Variants in GYS2 observed in about 807,000 individuals in gnomAD.
The protein encoded by GYS2 is glycogen [starch] synthase, liver.
GYS2 carries 80 observed loss-of-function variants against 85.6 expected under a neutral mutation model. The ratio of observed to expected loss-of-function variants is 0.93; its 90% CI spans 0.78 to 1.13. GYS2 has a LOEUF of 1.13. GYS2 is among the 50% of genes most tolerant of loss of function. The pLI, the probability that GYS2 is intolerant of heterozygous loss-of-function variation, is 0.00. For missense variants in GYS2, 881 were observed against 854.9 expected, an observed-to-expected ratio of 1.03 and a Z score of -0.38; for synonymous variants, 328 against 300.7, an observed-to-expected ratio of 1.09 and a Z score of -0.94.
intron 4 of GYS2, among the ~76,000 whole-genome samples, chr12:21,571,336 C>A (rs757645824): frequency 3.7e-4 from 56 of 152,236 alleles, no homozygotes; most frequent in Non-Finnish European, 6.5e-4. Context: ...ATCTTAAAAT[C>A]TCTGTACAAT....
At chr12:21,592,454 C>A (rs1481912602) in intron 1 of GYS2, among the ~76,000 whole-genome samples, 1 of 151,942 alleles carries the variant, frequency 6.6e-6, no homozygotes, top group Non-Finnish European at 1.5e-5. Context: ...GATGAAAGAT[C>A]TTCCATACAA....
intron 2 of GYS2, among the ~76,000 whole-genome samples, chr12:21,576,735 C>T (rs1944451429): frequency 1.3e-5 from 2 of 152,256 alleles, no homozygotes; most frequent in South Asian, 4.1e-4. Flanking sequence ...TTAGCTCTCT[C>T]ATTTTTTTCC....
chr12:21,564,486 T>C (rs1591793433), intron 5 of GYS2, among the ~76,000 whole-genome samples: 1 of 152,162 alleles, frequency 6.6e-6, no homozygotes, highest in East Asian at 1.9e-4. Flanking sequence ...TTGACATGGT[T>C]CCACAAAATC....
intron 2 of GYS2, 91 bp from the exon 3 acceptor site, chr12:21,576,148 G>T: frequency 2.1e-6 from 2 of 965,288 alleles, no homozygotes; most frequent in Non-Finnish European, 3.3e-6. Flanking sequence ...ACTTTATGTA[G>T]TACTCAATAG....
intron 14 of GYS2, among the ~76,000 whole-genome samples, chr12:21,539,970 A>C (rs1943953110): frequency 2.0e-5 from 3 of 152,230 alleles, no homozygotes; most frequent in Non-Finnish European, 4.4e-5. Flanking sequence ...AACCTATTGC[A>C]TGATTGAAAG....
At chr12:21,579,151 A>C (rs1181754397) in intron 2 of GYS2, among the ~76,000 whole-genome samples, 1 of 152,222 alleles carries the variant, frequency 6.6e-6, no homozygotes, top group African/African-American at 2.4e-5. Flanking sequence ...CTTCATACTT[A>C]AAATTCTCTC....
intron 12 of GYS2, among the ~76,000 whole-genome samples, chr12:21,543,426 A>C (rs1048225306): frequency 4.7e-4 from 72 of 152,286 alleles, no homozygotes; most frequent in African/African-American, 1.7e-3. Context: ...GGGGACTATC[A>C]GCCCTTTTGA....
At chr12:21,567,186 G>A (rs939225379) in intron 5 of GYS2, among the ~76,000 whole-genome samples, 1 of 152,152 alleles carries the variant, frequency 6.6e-6, no homozygotes, top group Non-Finnish European at 1.5e-5. Flanking sequence ...AGGGGCTAAT[G>A]AGTAAGTGAA....
chr12:21,545,789 C>T (rs1258780379), intron 12 of GYS2, among the ~76,000 whole-genome samples: 1 of 152,204 alleles, frequency 6.6e-6, no homozygotes, highest in East Asian at 1.9e-4. Flanking sequence ...AATTGCTAAT[C>T]TCTCTTAGTA....
rs775446055 is a variant in GYS2, at chr12:21,559,645, A to G, written c.1229+6T>C. The G allele has an allele frequency of 5.4e-6, 8 of 1,475,012 alleles. No homozygotes were observed. In the Admixed American group the frequency reaches 8.4e-5, roughly 15 times the overall value. 91.4% of individuals were successfully genotyped at this position (1,475,012 alleles called of 1,614,324 possible). A position where few individuals can be genotyped will look rare whatever the true frequency, so the allele number is the denominator to read the frequency against. On this transcript the variant is annotated splice_donor_region_variant and intron_variant, in intron 9 of 15. Coordinates refer to ENST00000261195, the MANE Select transcript of GYS2 (RefSeq NM_021957.4). ...GATTGAAGTAGAAAGCATTTCAAGC[A>G]CCTACCTTAATAATGCATCATAGAG...
chr12:21,576,147 A>G, intron 2 of GYS2, 90 bp from the exon 3 acceptor site: 1 of 966,020 alleles, frequency 1.0e-6, no homozygotes, highest in Non-Finnish European at 1.7e-6. Flanking sequence ...AACTTTATGT[A>G]GTACTCAATA....
At position 21,574,226 on chromosome 12, in the gene GYS2, G is replaced by A. The variant is rs1180389989; in HGVS notation, c.596C>T (p.Ala199Val). The A allele has an allele frequency of 1.4e-5, 23 of 1,612,928 alleles. No homozygotes were observed. The highest frequency in any genetic ancestry group is 1.7e-5 in the Non-Finnish European group (20 of 1,179,048). ...ILSRARKLPI[A>V]TIFTTHATLL... is the part of the protein sequence containing the mutation. ...TGTAGCGTGGGTTGTAAATATTGTG[G>A]CAATAGGAAGTTTCCTGGCTCGAGA... Residue 199 changes from alanine to valine, a missense_variant, in exon 4 of 16, where the codon GCC (alanine) becomes GTC (valine). By Grantham distance (64) the Ala-to-Val change is moderately conservative. Coordinates refer to ENST00000261195, the MANE Select transcript of GYS2 (RefSeq NM_021957.4).
chr12:21,577,319 G>A (rs940793653), intron 2 of GYS2, among the ~76,000 whole-genome samples: 25 of 152,080 alleles, frequency 1.6e-4, no homozygotes, highest in Non-Finnish European at 2.6e-4. Flanking sequence ...CCTAATATGT[G>A]CCACATGATA....
chr12:21,571,180 G>A (rs1341581069), intron 4 of GYS2, among the ~76,000 whole-genome samples: 3 of 152,154 alleles, frequency 2.0e-5, no homozygotes, highest in Admixed American at 6.6e-5. Flanking sequence ...GGGGAAGTCG[G>A]GTGGGTGTGC....
At chr12:21,567,612 C>G (rs577865651) in intron 5 of GYS2, among the ~76,000 whole-genome samples, 1 of 150,146 alleles carries the variant, frequency 6.7e-6, no homozygotes, top group Admixed American at 6.6e-5. Flanking sequence ...CAACTAGAGA[C>G]AAGACCACAG....
rs1361212647 is a variant in GYS2, at chr12:21,559,146, T to C, written c.1253A>G (p.Asp418Gly). ...TGTTAGATCATCTCGATCTAAAATA[T>C]CGTTCAGGTCAGGAATTTCTCCTCT... ...LLRGEIPDLN[D>G]ILDRDDLTIM... The change falls in exon 10 of 16, where the codon GAT becomes GGT. Residue 418 changes from aspartate to glycine, a missense_variant. By Grantham distance (94) the Asp-to-Gly change is moderately conservative. Transcript: ENST00000261195. 1 of 1,608,304 alleles carries C rather than the reference T, an allele frequency of 6.2e-7. No individual in the cohort carries two copies. The highest frequency in any genetic ancestry group is 1.3e-5 in the African/African-American group (1 of 74,798).
At chr12:21,543,565 G>T (rs1458470163) in intron 12 of GYS2, among the ~76,000 whole-genome samples, 2 of 147,820 alleles carry the variant, frequency 1.4e-5, no homozygotes, top group Admixed American at 6.9e-5. Context: ...GAGTTGGAGA[G>T]TATCTCTTAT....
chr12:21,589,070 C>T (rs1405752609), intron 1 of GYS2, among the ~76,000 whole-genome samples: 1 of 152,208 alleles, frequency 6.6e-6, no homozygotes, highest in Non-Finnish European at 1.5e-5. Flanking sequence ...TGATGGTACA[C>T]ATTTATTAGA....
chr12:21,559,939 A>T (rs1944231532), intron 8 of GYS2, among the ~76,000 whole-genome samples: 1 of 152,152 alleles, frequency 6.6e-6, no homozygotes, highest in African/African-American at 2.4e-5. Flanking sequence ...AGAGCTTAAA[A>T]TTTTTTTGCT....
Sources: allele counts gnomAD v4.1 joint callset (sites outside exome capture counted in the v4.1 genomes callset), GRCh38; gene constraint gnomAD v4.1.1; transcripts MANE v1.5; gene names NCBI Gene and HGNC (gene_info 2026-07-23, HGNC 2026-07-21).